The following CFAP100 variants were observed in gnomAD, a reference collection of about 807,000 sequenced individuals.
CFAP100 encodes the protein cilia and flagella associated protein 100.
CFAP100 carries 70 observed loss-of-function variants against 81.5 expected under a neutral mutation model. That is an observed-to-expected ratio of 0.86 (90% confidence interval 0.71 to 1.05). The LOEUF (loss-of-function observed/expected upper bound fraction) is 1.05, where lower values mean the gene tolerates loss of function less well. Ranked by LOEUF, CFAP100 falls within the 50% of genes least tolerant of loss-of-function variation. The pLI is 0.00. For missense variants in CFAP100, 811 were observed against 776.5 expected, an observed-to-expected ratio of 1.04 and a Z score of -0.53; for synonymous variants, 341 against 314.8, an observed-to-expected ratio of 1.08 and a Z score of -0.88.
intron 13 of CFAP100, among the ~76,000 whole-genome samples, chr3:126,426,130 A>G (rs1006620891): frequency 6.6e-6 from 1 of 152,248 alleles, no homozygotes; most frequent in African/African-American, 2.4e-5. Context: ...TTCACAGATG[A>G]CATGAATGTC....
intron 2 of CFAP100, among the ~76,000 whole-genome samples, chr3:126,402,337 G>C (rs1357656190): frequency 1.3e-5 from 2 of 152,220 alleles, no homozygotes; most frequent in Non-Finnish European, 2.9e-5. Flanking sequence ...CAGATCCCTA[G>C]GACAGAAGGG....
chr3:126,397,691 G>A (rs910179519), intron 2 of CFAP100, among the ~76,000 whole-genome samples: 1 of 152,234 alleles, frequency 6.6e-6, no homozygotes, highest in South Asian at 2.1e-4. Flanking sequence ...GGTGGGTCAG[G>A]GAGGTTGGCA....
chr3:126,399,938 G>A (rs1560060072), intron 2 of CFAP100, among the ~76,000 whole-genome samples: 1 of 152,142 alleles, frequency 6.6e-6, no homozygotes, highest in Non-Finnish European at 1.5e-5. Flanking sequence ...AAATTGGGCT[G>A]TGTGTTTGAT....
At chr3:126,425,913 G>A (rs2107613890) in intron 13 of CFAP100, among the ~76,000 whole-genome samples, 1 of 152,172 alleles carries the variant, frequency 6.6e-6, no homozygotes, top group East Asian at 1.9e-4. Context: ...CCTCAATTTT[G>A]ATAAAGAACA....
intron 13 of CFAP100, among the ~76,000 whole-genome samples, chr3:126,426,299 G>C (rs1030958247): frequency 6.6e-6 from 1 of 151,898 alleles, no homozygotes; most frequent in African/African-American, 2.4e-5. Flanking sequence ...CATATTGCTA[G>C]AAAAAATAAA....
At chr3:126,401,169 C>T (rs1304167562) in intron 2 of CFAP100, among the ~76,000 whole-genome samples, 3 of 148,928 alleles carry the variant, frequency 2.0e-5, no homozygotes, top group African/African-American at 2.5e-5. Flanking sequence ...TGGAGGCCAC[C>T]GGGGCTGGGG....
At chr3:126,421,260 T>G (rs2083328619) in intron 11 of CFAP100, among the ~76,000 whole-genome samples, 1 of 152,220 alleles carries the variant, frequency 6.6e-6, no homozygotes, top group South Asian at 2.1e-4. Flanking sequence ...CGCCTCAGCC[T>G]CCCAAAGTGC....
At chr3:126,434,549 T>C in intron 15 of CFAP100, 168 bp downstream of exon 15, 2 of 588,110 alleles carry the variant, frequency 3.4e-6, no homozygotes, top group Admixed American at 3.4e-5. Flanking sequence ...GGCATCACAG[T>C]CAAGTGGGGG....
In CFAP100 at chr3:126,407,133, G is replaced by A. The variant is rs374371450; in HGVS notation, c.50-39G>A. 21 of 1,435,508 alleles carry A rather than the reference G, an allele frequency of 1.5e-5. No homozygotes were observed. The African/African-American group carries it at 2.8e-4, about 19-fold the overall frequency. 88.9% of individuals were successfully genotyped at this position (1,435,508 alleles called of 1,614,324 possible). ...GTGTTCACAGTTCTCATGGGCCAGG[G>A]GAGTCACTGCTGCGGCCCTCACTTT... On this transcript the variant is annotated intron_variant, in intron 2 of 16. Transcript: ENST00000352312.
At chr3:126,427,506 T>TTC (rs1933010610) in intron 13 of CFAP100, among the ~76,000 whole-genome samples, 2 of 152,234 alleles carry the variant, frequency 1.3e-5, no homozygotes, top group Non-Finnish European at 2.9e-5. Flanking sequence ...GCCGTGTCTG[T>TTC]ATGGCTCATC....
chr3:126,420,484 G>T (rs1321330960), intron 11 of CFAP100: 8 of 536,280 alleles, frequency 1.5e-5, no homozygotes, highest in Non-Finnish European at 2.6e-5. Flanking sequence ...AGGCTGATTT[G>T]TTTTTGAATA....
At chr3:126,418,813 G>T in intron 7 of CFAP100, 39 bp downstream of exon 7, 1 of 1,535,646 alleles carries the variant, frequency 6.5e-7, no homozygotes, top group South Asian at 1.2e-5. Flanking sequence ...GGGCAATGCC[G>T]AACCCCCACT....
At position 126,423,355 on chromosome 3, in the gene CFAP100, G is replaced by T. The variant is rs1385951550; in HGVS notation, c.1113G>T (p.Glu371Asp). Residue 371 changes from glutamate to aspartate, a missense_variant, in exon 12 of 17, where the codon GAG becomes GAT. Transcript: ENST00000352312. ...GSNSPIPPTQ[E>D]DTDSDGEEPQ... ...ACTCTCCCATCCCCCCCACGCAGGA[G>T]GACACCGACAGCGATGGGGAGGTGA... 1 of 1,613,676 alleles carries T rather than the reference G, an allele frequency of 6.2e-7. No homozygotes were observed. Among genetic ancestry groups the T allele is most frequent in the South Asian group, 1.1e-5 (1 of 91,002 alleles).
chr3:126,405,926 C>A (rs896219209), intron 2 of CFAP100, among the ~76,000 whole-genome samples: 1 of 151,988 alleles, frequency 6.6e-6, no homozygotes, highest in Non-Finnish European at 1.5e-5. Context: ...TAACTGGGAC[C>A]ACATCCAGAT....
chr3:126,433,090 G>C lies in CFAP100; in HGVS notation c.1308G>C (p.Leu436=). ...QIRMDREVNQ[L]KQWVTTMMMS... ...CCAGGGACAGGGAGGTCAACCAGCT[G>C]AAGCAGTGGGTCACCACAATGATGA... Residue 436 remains leucine (L), a synonymous_variant, in exon 14 of 17, where the codon CTG becomes CTC. Transcript: ENST00000352312. 6.2e-7 allele frequency: 1 copy of C among 1,614,182 alleles called. No homozygotes were observed. Among genetic ancestry groups the C allele is most frequent in the Non-Finnish European group, 8.5e-7 (1 of 1,180,020 alleles).
intron 2 of CFAP100, among the ~76,000 whole-genome samples, chr3:126,401,397 TTATATATATATATATATATATATATA>T (rs58055481): frequency 0.088 from 6,694 of 76,408 alleles, 479 homozygotes; most frequent in African/African-American, 0.17. Flanking sequence ...AAATCGTATT[TTATATATATATATATATATATATATA>T]TATATATATA....
Position 126,436,389 on chromosome 3 carries a change from A to C in CFAP100, c.1821A>C (p.Leu607=). 6.2e-7 allele frequency: 1 copy of C among 1,613,434 alleles called. No individual in the cohort carries two copies. The highest frequency in any genetic ancestry group is 2.2e-5 in the East Asian group (1 of 44,882). ...TLMDKEEEEL[L]FFFT ...TGGACAAGGAGGAGGAGGAGCTGCTATTTTTCTTTACTTAATCTTCGCAGA... is the reference window on the plus strand; with the variant it reads ...TGGACAAGGAGGAGGAGGAGCTGCTCTTTTTCTTTACTTAATCTTCGCAGA... The change falls in exon 17 of 17, where the codon CTA becomes CTC. Residue 607 remains leucine, a synonymous_variant. Transcript: ENST00000352312.
At chr3:126,420,426 C>T (rs1318095995) in intron 11 of CFAP100, among the ~76,000 whole-genome samples, 197 bp downstream of exon 11, 1 of 152,226 alleles carries the variant, frequency 6.6e-6, no homozygotes, top group Non-Finnish European at 1.5e-5. Flanking sequence ...CAGGAGTTTC[C>T]ATTGTGGTTC....
chr3:126,407,452 G>A (rs1364602671), intron 3 of CFAP100, among the ~76,000 whole-genome samples, 200 bp downstream of exon 3: 1 of 152,208 alleles, frequency 6.6e-6, no homozygotes, highest in Non-Finnish European at 1.5e-5. Flanking sequence ...AATGAGAAAT[G>A]TGGGACGAAA....
Sources: allele counts gnomAD v4.1 joint callset (sites outside exome capture counted in the v4.1 genomes callset), GRCh38; gene constraint gnomAD v4.1.1; transcripts MANE v1.5; gene names NCBI Gene and HGNC (gene_info 2026-07-23, HGNC 2026-07-21).